The following CSMD1 variants were observed in gnomAD, a reference collection of about 807,000 sequenced individuals.
CSMD1 encodes the protein CUB and Sushi multiple domains 1, also known as CUB and sushi domain-containing protein 1.
CSMD1 carries 213 observed loss-of-function variants against 417.5 expected under a neutral mutation model. The observed-to-expected ratio is 0.51, with a 90% CI of 0.46 to 0.57. The LOEUF is 0.57. Among genes scored for constraint, CSMD1 ranks in the 20% least tolerant of loss-of-function variants. CSMD1 has a pLI of 0.00. For missense variants in CSMD1, 6,923 were observed against 4,529.7 expected (o/e 1.53, Z -15.17); for synonymous variants, 2,862 against 1,736.8 (o/e 1.65, Z -16.11).
chr8:3,629,443 A>G (rs539567044), intron 7 of CSMD1, among the ~76,000 whole-genome samples: 2 of 152,322 alleles, frequency 1.3e-5, no homozygotes, highest in African/African-American at 4.8e-5. Flanking sequence ...AATATCAACC[A>G]TACAATATTA....
intron 1 of CSMD1, among the ~76,000 whole-genome samples, chr8:4,954,408 G>A (rs1034929175): frequency 3.3e-5 from 5 of 152,070 alleles, no homozygotes; most frequent in African/African-American, 4.8e-5. Flanking sequence ...GCTGTTTCCA[G>A]GTTAGCACTC....
chr8:3,511,153 T>C (rs1435377179), intron 10 of CSMD1, among the ~76,000 whole-genome samples: 1 of 151,724 alleles, frequency 6.6e-6, no homozygotes, highest in Non-Finnish European at 1.5e-5. Flanking sequence ...CACTGCATGT[T>C]CTCAGTAATA....
chr8:3,988,624 T>A (rs1359692195), intron 5 of CSMD1, among the ~76,000 whole-genome samples: 6 of 152,164 alleles, frequency 3.9e-5, no homozygotes, highest in African/African-American at 1.4e-4. Flanking sequence ...GAGAGGAACG[T>A]TTAATAGATA....
intron 5 of CSMD1, among the ~76,000 whole-genome samples, chr8:3,858,930 G>C (rs772706932): frequency 2.6e-5 from 4 of 152,184 alleles, no homozygotes; most frequent in African/African-American, 7.2e-5. Flanking sequence ...CGAGTTGGTT[G>C]AAGTCAGTTT....
At chr8:3,795,211 CCTATCATGTACAGATATAGATATATAT>C (rs1799996016) in intron 5 of CSMD1, among the ~76,000 whole-genome samples, 2 of 71,950 alleles carry the variant, frequency 2.8e-5, no homozygotes, top group South Asian at 4.6e-4. Flanking sequence ...GATATAGATA[CCTATCATGTACAGATATAGATATATAT>C]CTATCATGTA....
chr8:4,963,912 A>T (rs937609814), intron 1 of CSMD1, among the ~76,000 whole-genome samples: 1 of 152,102 alleles, frequency 6.6e-6, no homozygotes, highest in Non-Finnish European at 1.5e-5. Context: ...TATTTTATAC[A>T]CCTCACTTAC....
intron 4 of CSMD1, among the ~76,000 whole-genome samples, chr8:4,001,276 G>A (rs1279539902): frequency 1.3e-5 from 2 of 152,110 alleles, no homozygotes; most frequent in African/African-American, 4.8e-5. Context: ...CTATCTGACA[G>A]GAGTGTTTAC....
At chr8:4,625,681 A>T (rs1398865232) in intron 2 of CSMD1, among the ~76,000 whole-genome samples, 1 of 152,134 alleles carries the variant, frequency 6.6e-6, no homozygotes, top group Non-Finnish European at 1.5e-5. Flanking sequence ...CTAAGCAAGC[A>T]AATATAATGA....
chr8:3,828,004 T>C (rs1802152357), intron 5 of CSMD1, among the ~76,000 whole-genome samples: 1 of 152,324 alleles, frequency 6.6e-6, no homozygotes, highest in Admixed American at 6.5e-5. Flanking sequence ...ACCTCATGCA[T>C]GGCAAGACTT....
intron 5 of CSMD1, among the ~76,000 whole-genome samples, chr8:3,950,673 G>A (rs1422639693): frequency 2.0e-5 from 3 of 152,148 alleles, no homozygotes; most frequent in African/African-American, 7.2e-5. Context: ...TGTTTCTCCT[G>A]CCACTTTAAT....
intron 2 of CSMD1, among the ~76,000 whole-genome samples, chr8:4,592,054 G>C (rs1161030223): frequency 1.3e-5 from 2 of 152,076 alleles, no homozygotes; most frequent in African/African-American, 4.8e-5. Context: ...CATTGCATCT[G>C]AGGTACCGGA....
At chr8:4,004,054 A>G (rs1030195920) in intron 4 of CSMD1, among the ~76,000 whole-genome samples, 3 of 152,220 alleles carry the variant, frequency 2.0e-5, no homozygotes, top group South Asian at 2.1e-4. Context: ...AAAACAGAAA[A>G]AAGGGTATAA....
chr8:4,598,325 G>C (rs1397649582), intron 2 of CSMD1, among the ~76,000 whole-genome samples: 1 of 152,202 alleles, frequency 6.6e-6, no homozygotes, highest in Admixed American at 6.5e-5. Flanking sequence ...ATTCCTAGCA[G>C]TCTAAACAGC....
At chr8:3,845,951 T>C (rs1803474391) in intron 5 of CSMD1, among the ~76,000 whole-genome samples, 1 of 152,092 alleles carries the variant, frequency 6.6e-6, no homozygotes, top group Admixed American at 6.6e-5. Flanking sequence ...CCTGTCCCAC[T>C]GCAGGCTCCT....
intron 5 of CSMD1, among the ~76,000 whole-genome samples, chr8:3,977,853 A>C (rs529628925): frequency 3.9e-5 from 6 of 152,360 alleles, no homozygotes; most frequent in African/African-American, 7.2e-5. Context: ...GAAATAACTA[A>C]GGAAAATAGG....
chr8:3,894,194 AT>A (rs1807190418), intron 5 of CSMD1, among the ~76,000 whole-genome samples: 1 of 152,140 alleles, frequency 6.6e-6, no homozygotes, highest in Non-Finnish European at 1.5e-5. Flanking sequence ...TTTTGTTTGA[AT>A]TGTTCTAAAC....
At chr8:4,978,083 C>G (rs545576924) in intron 1 of CSMD1, among the ~76,000 whole-genome samples, 1 of 152,310 alleles carries the variant, frequency 6.6e-6, no homozygotes, top group East Asian at 1.9e-4. Flanking sequence ...AAGTGTGTAT[C>G]TCGATCATGG....
chr8:4,268,510 A>T (rs947069666), intron 3 of CSMD1, among the ~76,000 whole-genome samples: 2 of 152,186 alleles, frequency 1.3e-5, no homozygotes, highest in African/African-American at 4.8e-5. Flanking sequence ...TTAGAGAAAC[A>T]AGTAGTAGTC....
At chr8:3,649,147 C>T (rs556336662) in intron 7 of CSMD1, among the ~76,000 whole-genome samples, 2 of 152,080 alleles carry the variant, frequency 1.3e-5, no homozygotes, top group Non-Finnish European at 2.9e-5. Flanking sequence ...TACAATGCAA[C>T]CTTTATTTAG....
Sources: allele counts gnomAD v4.1 joint callset (sites outside exome capture counted in the v4.1 genomes callset), GRCh38; gene constraint gnomAD v4.1.1; transcripts MANE v1.5; gene names NCBI Gene and HGNC (gene_info 2026-07-23, HGNC 2026-07-21).